The following XKR6 variants were observed in gnomAD, a reference collection of about 807,000 sequenced individuals.
XKR6 encodes the protein XK-related protein 6.
Under a neutral mutation model 56.7 loss-of-function variants are expected in XKR6, and 22 were observed. The ratio of observed to expected loss-of-function variants is 0.39; its 90% CI spans 0.28 to 0.55. The LOEUF (loss-of-function observed/expected upper bound fraction) is 0.55, where lower values mean the gene tolerates loss of function less well. Among genes scored for constraint, XKR6 ranks in the 20% least tolerant of loss-of-function variants. The pLI is 0.66. For missense variants in XKR6, 852 were observed against 889.0 expected (o/e 0.96, Z 0.53); for synonymous variants, 524 against 387.8 (o/e 1.35, Z -4.13).
chr8:10,988,031 C>T (rs1346081180), intron 1 of XKR6, among the ~76,000 whole-genome samples: 1 of 152,016 alleles, frequency 6.6e-6, no homozygotes, highest in African/African-American at 2.4e-5. Context: ...CACTGAAAAA[C>T]AAAAAACAAA....
At chr8:11,061,063 G>A (rs763579201) in intron 1 of XKR6, among the ~76,000 whole-genome samples, 4 of 152,190 alleles carry the variant, frequency 2.6e-5, no homozygotes, top group Admixed American at 6.5e-5. Context: ...GAGATGGCCC[G>A]TCTGCCAGCT....
intron 1 of XKR6, among the ~76,000 whole-genome samples, chr8:10,985,270 T>C (rs1018330056): frequency 6.6e-6 from 1 of 152,136 alleles, no homozygotes; most frequent in Non-Finnish European, 1.5e-5. Context: ...GTGGTTCTCA[T>C]GATTGAGAAT....
At chr8:11,115,332 G>C (rs1486721848) in intron 1 of XKR6, among the ~76,000 whole-genome samples, 1 of 152,172 alleles carries the variant, frequency 6.6e-6, no homozygotes, top group Non-Finnish European at 1.5e-5. Context: ...TATTTTGAAA[G>C]GTTAAATCTG....
At chr8:11,016,565 G>A (rs941418187) in intron 1 of XKR6, among the ~76,000 whole-genome samples, 3 of 152,270 alleles carry the variant, frequency 2.0e-5, no homozygotes, top group East Asian at 1.9e-4. Context: ...GGAAGTCCCC[G>A]TCCGCGCCCC....
intron 1 of XKR6, among the ~76,000 whole-genome samples, chr8:11,036,824 G>A (rs1044198898): frequency 6.6e-6 from 1 of 152,198 alleles, no homozygotes; most frequent in African/African-American, 2.4e-5. Context: ...CTTAGGTCAC[G>A]CTTTCATGTC....
At chr8:10,999,652 A>C (rs1418451276) in intron 1 of XKR6, among the ~76,000 whole-genome samples, 1 of 152,232 alleles carries the variant, frequency 6.6e-6, no homozygotes, top group Non-Finnish European at 1.5e-5. Context: ...CTAAAAAAGG[A>C]TGTTCTGCAG....
chr8:11,040,760 C>A (rs2129155852), intron 1 of XKR6, among the ~76,000 whole-genome samples: 1 of 152,266 alleles, frequency 6.6e-6, no homozygotes, highest in Non-Finnish European at 1.5e-5. Context: ...ACCCCCACCT[C>A]CTAAGACCAG....
intron 2 of XKR6, among the ~76,000 whole-genome samples, chr8:10,924,169 A>G (rs1367203546): frequency 6.6e-6 from 1 of 152,250 alleles, no homozygotes; most frequent in Non-Finnish European, 1.5e-5. Context: ...AATGGGGCTT[A>G]CACATGAGCT....
intron 1 of XKR6, among the ~76,000 whole-genome samples, chr8:11,173,408 T>G (rs150857616): frequency 2.0e-3 from 305 of 150,378 alleles, no homozygotes; most frequent in African/African-American, 7.0e-3. Flanking sequence ...CATATATATA[T>G]ACATATACAT....
intron 1 of XKR6, among the ~76,000 whole-genome samples, chr8:11,193,392 C>G (rs1352604382): frequency 6.6e-6 from 1 of 152,002 alleles, no homozygotes; most frequent in Admixed American, 6.6e-5. Flanking sequence ...ATGTTTTGAG[C>G]TATATTAAAA....
chr8:10,910,709 G>A (rs1205696344), intron 2 of XKR6, among the ~76,000 whole-genome samples: 1 of 152,188 alleles, frequency 6.6e-6, no homozygotes, highest in East Asian at 1.9e-4. Flanking sequence ...GGTTTAAAGG[G>A]CCCAGGAGGA....
At chr8:11,027,698 G>A (rs1402388486) in intron 1 of XKR6, among the ~76,000 whole-genome samples, 1 of 152,240 alleles carries the variant, frequency 6.6e-6, no homozygotes, top group Non-Finnish European at 1.5e-5. Context: ...TACTGGCAGT[G>A]TGGCCTGGGG....
intron 1 of XKR6, among the ~76,000 whole-genome samples, chr8:10,962,063 T>G (rs976086659): frequency 6.6e-6 from 1 of 152,244 alleles, no homozygotes; most frequent in Non-Finnish European, 1.5e-5. Context: ...TGCATTATTC[T>G]TTGAAGTACA....
intron 1 of XKR6, among the ~76,000 whole-genome samples, chr8:10,996,874 A>C (rs1798125279): frequency 6.6e-6 from 1 of 152,168 alleles, no homozygotes; most frequent in African/African-American, 2.4e-5. Flanking sequence ...AGGGTGAGGC[A>C]GGAGGATGGC....
At chr8:11,190,805 C>A (rs1042989211) in intron 1 of XKR6, among the ~76,000 whole-genome samples, 14 of 152,218 alleles carry the variant, frequency 9.2e-5, no homozygotes, top group African/African-American at 3.4e-4. Flanking sequence ...AAGTTTCCTC[C>A]ACCAGTGCCA....
rs911606296 is a variant in XKR6, at chr8:11,158,253, T to A, written c.764+42323A>T. 1.4e-4 allele frequency among the ~76,000 whole-genome samples: 22 copies of A among 152,150 alleles called. 1 individual carries two copies. The highest frequency in any genetic ancestry group is 2.5e-4 in the Non-Finnish European group (17 of 68,034). Reference sequence around the variant, plus strand: ...AAGCATCTAACGGTCTGAGCGAGATTATTATGGAAGGACCAGGAAAAATTT... The same window carrying A: ...AAGCATCTAACGGTCTGAGCGAGATAATTATGGAAGGACCAGGAAAAATTT... On this transcript the variant is annotated intron_variant, in intron 1 of 2. Coordinates refer to ENST00000416569, the MANE Select transcript of XKR6 (RefSeq NM_173683.4).
chr8:11,185,359 GCCA>G (rs1803217366), intron 1 of XKR6, among the ~76,000 whole-genome samples: 1 of 152,158 alleles, frequency 6.6e-6, no homozygotes, highest in Non-Finnish European at 1.5e-5. Flanking sequence ...ACAGAAATAT[GCCA>G]CAGAAACTTA....
chr8:10,960,371 T>A (rs536268533), intron 1 of XKR6, among the ~76,000 whole-genome samples: 1 of 152,306 alleles, frequency 6.6e-6, no homozygotes, highest in South Asian at 2.1e-4. Context: ...GGCACGGTCA[T>A]AGCGTTACCC....
chr8:11,098,536 T>C (rs954228331), intron 1 of XKR6, among the ~76,000 whole-genome samples: 1 of 152,186 alleles, frequency 6.6e-6, no homozygotes, highest in African/African-American at 2.4e-5. Flanking sequence ...GGACAGGAAC[T>C]CTTGTCTCAT....
Sources: gnomAD v4.1 joint callset for allele counts (sites outside exome capture counted in the v4.1 genomes callset) on GRCh38, gnomAD v4.1.1 for gene constraint, MANE v1.5 for transcripts, NCBI Gene and HGNC (gene_info 2026-07-23, HGNC 2026-07-21) for gene names.